The following NBPF19 variants were observed in gnomAD, a reference collection of about 807,000 sequenced individuals.
The protein encoded by NBPF19 is NBPF member 19, also known as NBPF family member NBPF19.
Under a neutral mutation model 45.9 loss-of-function variants are expected in NBPF19, and 30 were observed. The ratio of observed to expected loss-of-function variants is 0.65; its 90% confidence interval spans 0.49 to 0.89. The LOEUF (loss-of-function observed/expected upper bound fraction) is 0.89. NBPF19 is among the 40% of genes least tolerant of loss of function. The probability of loss-of-function intolerance (pLI) is 0.00; values close to 1 mark genes in which losing one functional copy is unlikely to be tolerated. For missense variants in NBPF19, 495 were observed against 471.8 expected, an observed-to-expected ratio of 1.05 and a Z score of -0.46; for synonymous variants, 183 against 181.2, an observed-to-expected ratio of 1.01 and a Z score of -0.08.
At chr1:149,486,994 G>A (rs1437258452) in intron 8 of NBPF19, among the ~76,000 whole-genome samples, 3 of 150,696 alleles carry the variant, frequency 2.0e-5, no homozygotes, top group Non-Finnish European at 4.4e-5. Flanking sequence ...GGTATTTGAT[G>A]AGAGAAAGCT....
In NBPF19 at chr1:149,477,959, A is replaced by G. The variant is rs1570937633; in HGVS notation, c.190A>G (p.Lys64Glu). Residue 64 changes from lysine to glutamate, a missense_variant, in exon 3 of 94, where the codon AAA (lysine) becomes GAA (glutamate). Lys to Glu is a moderately conservative substitution (Grantham distance 56, BLOSUM62 1). This residue lies in a region of NBPF19 where 69 missense variants were observed against 87.8 expected (regional missense o/e 0.79). Coordinates refer to ENST00000651566, the MANE Select transcript of NBPF19 (RefSeq NM_001351365.2). ...TCTTTTCTCAGAGTATGAAGAGTGT[A>G]AAGACCTCATAAAATTTATGCTGAG... ...RQKKYKYEEC[K>E]DLIKFMLRNE... 1.4e-6 allele frequency: 2 copies of G among 1,408,906 alleles called. No individual in the cohort carries two copies. Among genetic ancestry groups the G allele is most frequent in the Non-Finnish European group, 2.0e-6 (2 of 1,002,746 alleles). 87.3% of individuals were successfully genotyped at this position (1,408,906 alleles called of 1,614,324 possible). A position where few individuals can be genotyped will look rare whatever the true frequency, so the allele number is the denominator to read the frequency against.
In NBPF19 at chr1:149,479,628, G is replaced by A. The variant is rs1270268839; in HGVS notation, c.494-514G>A. 5.8e-3 allele frequency among the ~76,000 whole-genome samples: 858 copies of A among 148,126 alleles called. 35 individuals carry two copies. The East Asian group carries it at 0.083, about 14-fold the overall frequency. ...GTGTTGGAGAAGGCACTTGATGTGG[G>A]GGCATTTGGTGGTAGGAAGTGCTTC... On this transcript the variant is annotated intron_variant, in intron 4 of 93. Coordinates refer to ENST00000651566, the MANE Select transcript of NBPF19 (RefSeq NM_001351365.2).
chr1:149,478,282 A>G lies in NBPF19; in HGVS notation c.278+235A>G, dbSNP rs1468994204. 6.6e-5 allele frequency among the ~76,000 whole-genome samples: 10 copies of G among 151,162 alleles called. 2 individuals are homozygous for G. On this transcript the variant is annotated intron_variant, in intron 3 of 93. Coordinates refer to ENST00000651566, the MANE Select transcript of NBPF19 (RefSeq NM_001351365.2). ...TTTCAAACAAGTAATTGTTGAGGTG[A>G]AATTTACATAACACAAAATTCACCA...
At chr1:149,478,850 T>G in intron 3 of NBPF19, 30 bp from the exon 4 acceptor site, 2 of 1,562,270 alleles carry the variant, frequency 1.3e-6, no homozygotes. Context: ...CCCTTTCTAC[T>G]CTTAAATTTT....
chr1:149,487,102 C>G (rs1303739421), intron 8 of NBPF19, among the ~76,000 whole-genome samples: 1 of 150,806 alleles, frequency 6.6e-6, no homozygotes, highest in South Asian at 2.1e-4. Flanking sequence ...TAGGACAGAG[C>G]ACATAGGGAA....
At chr1:149,484,124 T>A (rs1372548144) in intron 7 of NBPF19, among the ~76,000 whole-genome samples, 1 of 48,818 alleles carries the variant, frequency 2.0e-5, no homozygotes, top group Non-Finnish European at 3.7e-5. Context: ...TAGACTGGAT[T>A]AAGAAAATGT....
chr1:149,483,042 TA>T (rs2085295452), intron 7 of NBPF19, among the ~76,000 whole-genome samples: 1 of 150,292 alleles, frequency 6.7e-6, no homozygotes, highest in South Asian at 2.1e-4. Flanking sequence ...AGATGTCTTT[TA>T]GGTCGGCTTG....
chr1:149,479,774 G>C (rs1490535986), intron 4 of NBPF19, among the ~76,000 whole-genome samples: 1 of 150,862 alleles, frequency 6.6e-6, no homozygotes, highest in East Asian at 1.9e-4. Context: ...TCTCCTAAGA[G>C]AAAGAATGAG....
intron 2 of NBPF19, among the ~76,000 whole-genome samples, chr1:149,476,977 A>G (rs1443320814): frequency 1.3e-5 from 2 of 150,896 alleles, no homozygotes; most frequent in Non-Finnish European, 3.0e-5. Context: ...AATAAAAATA[A>G]AAAGCAGAGA....
intron 4 of NBPF19, among the ~76,000 whole-genome samples, chr1:149,479,732 G>T (rs2085060472): frequency 1.3e-5 from 2 of 150,184 alleles, no homozygotes; most frequent in Non-Finnish European, 3.0e-5. Flanking sequence ...GCAGTCTCAT[G>T]ACGCATAGAG....
chr1:149,483,561 G>C (rs2085332705), intron 7 of NBPF19, among the ~76,000 whole-genome samples: 1 of 149,682 alleles, frequency 6.7e-6, no homozygotes, highest in African/African-American at 2.5e-5. Flanking sequence ...GTGTGAATTT[G>C]ATCCTGTCGT....
chr1:149,477,968 A>G lies in NBPF19; in HGVS notation c.199A>G (p.Ile67Val). The G allele has an allele frequency of 6.8e-7, 1 of 1,463,798 alleles. No homozygotes were observed. The highest frequency in any genetic ancestry group is 9.5e-7 in the Non-Finnish European group (1 of 1,052,572). The allele number at this position is 1,463,798 out of a possible 1,614,324, so 90.7% of individuals were successfully genotyped here. ...KYKYEECKDL[I>V]KFMLRNERQF... Reference sequence around the variant, plus strand: ...AGAGTATGAAGAGTGTAAAGACCTCATAAAATTTATGCTGAGGAATGAGCG... The same window carrying G: ...AGAGTATGAAGAGTGTAAAGACCTCGTAAAATTTATGCTGAGGAATGAGCG... The change falls in exon 3 of 94, where the codon ATA (isoleucine) becomes GTA (valine). Residue 67 changes from isoleucine to valine, a missense_variant. By Grantham distance (29) the Ile-to-Val change is conservative. Around this residue, in one of 8 missense-constraint regions of NBPF19, gnomAD observed 69 missense variants for 87.8 expected, o/e 0.79. Coordinates refer to ENST00000651566, the MANE Select transcript of NBPF19 (RefSeq NM_001351365.2).
chr1:149,477,313 C>A (rs1482150882), intron 2 of NBPF19, among the ~76,000 whole-genome samples: 1 of 151,314 alleles, frequency 6.6e-6, no homozygotes. Flanking sequence ...TAAATTAACA[C>A]AAACTAATGC....
intron 93 of NBPF19, among the ~76,000 whole-genome samples, chr1:149,554,214 G>A (rs2087143447): frequency 6.6e-6 from 1 of 150,960 alleles, no homozygotes; most frequent in East Asian, 1.9e-4. Flanking sequence ...AACTCAGAGT[G>A]TCCTTTTACT....
chr1:149,486,470 G>T (rs1570974631), intron 8 of NBPF19, among the ~76,000 whole-genome samples, 177 bp downstream of exon 8: 1 of 150,100 alleles, frequency 6.7e-6, no homozygotes, highest in Non-Finnish European at 1.5e-5. Flanking sequence ...GGCATGGGGT[G>T]GGTCAGTGAG....
Position 149,487,268 on chromosome 1 carries a change from G to A in NBPF19, c.989-64G>A, listed in dbSNP as rs1447338275. 84 of 1,205,148 alleles carry A rather than the reference G, an allele frequency of 7.0e-5. No homozygotes were observed. The African/African-American group carries it at 7.4e-4, about 11-fold the overall frequency. The allele number at this position is 1,205,148 out of a possible 1,614,324, so 74.7% of individuals were successfully genotyped here. ...GATGTCCCTGTGTTAGGATTGGACAGAGGAATGTTTCTGTGTGCAAGGAAG... is the reference window on the plus strand; with the variant it reads ...GATGTCCCTGTGTTAGGATTGGACAAAGGAATGTTTCTGTGTGCAAGGAAG... On this transcript the variant is annotated intron_variant, in intron 8 of 93. Coordinates refer to ENST00000651566, the MANE Select transcript of NBPF19 (RefSeq NM_001351365.2).
chr1:149,479,718 C>A (rs1226751663), intron 4 of NBPF19, among the ~76,000 whole-genome samples: 1 of 149,990 alleles, frequency 6.7e-6, no homozygotes, highest in African/African-American at 2.5e-5. Context: ...CATGGAGGGC[C>A]TGTGCAGTCT....
At chr1:149,487,019 C>A (rs1488519018) in intron 8 of NBPF19, among the ~76,000 whole-genome samples, 4 of 150,756 alleles carry the variant, frequency 2.7e-5, no homozygotes, top group Admixed American at 1.3e-4. Flanking sequence ...ATTGAAGTAT[C>A]TCTCCTATGA....
At chr1:149,480,028 TCAGTTGAACGGTG>T in intron 4 of NBPF19, 101 bp from the exon 5 acceptor site, 1 of 619,168 alleles carries the variant, frequency 1.6e-6, no homozygotes. Flanking sequence ...ATGAGAGTTT[TCAGTTGAACGGTG>T]ACCCATGCCT....
Sources: allele counts gnomAD v4.1 joint callset (sites outside exome capture counted in the v4.1 genomes callset), GRCh38; gene constraint gnomAD v4.1.1; regional missense constraint gnomAD v4.1.1; transcripts MANE v1.5; gene names NCBI Gene and HGNC (gene_info 2026-07-23, HGNC 2026-07-21).